The following PREX1 variants were observed in gnomAD, a reference collection of about 807,000 sequenced individuals.
PREX1 encodes the protein phosphatidylinositol 3,4,5-trisphosphate-dependent Rac exchanger 1 protein.
Under a neutral mutation model 198.3 loss-of-function variants are expected in PREX1, and 41 were observed. That is an observed-to-expected ratio of 0.21 (90% CI 0.16 to 0.27). The LOEUF (loss-of-function observed/expected upper bound fraction) is 0.27. PREX1 is among the 10% of genes least tolerant of loss of function. PREX1 has a pLI of 1.00. For missense variants in PREX1, 1,620 were observed against 2,200.7 expected (o/e 0.74, Z 5.28); for synonymous variants, 843 against 887.2 (o/e 0.95, Z 0.89).
rs758333598 is a variant in PREX1 at position 48,792,815 on chromosome 20, A to AT, written c.219+34826_219+34827insA. Reference sequence around the variant, plus strand: ...AGAAGCCAGATACAAAAAAAAAAAAAATACACACACACACACACACACACA... The same window carrying AT: ...AGAAGCCAGATACAAAAAAAAAAAAATATACACACACACACACACACACACA... On this transcript the variant is annotated intron_variant, in intron 1 of 39. Coordinates refer to ENST00000371941, the MANE Select transcript of PREX1 (RefSeq NM_020820.4). Among the ~76,000 whole-genome samples the AT allele has an allele frequency of 5.9e-3, 447 of 75,832 alleles. 1 individual carries two copies. Among genetic ancestry groups the AT allele is most frequent in the South Asian group, 0.027 (66 of 2,478 alleles). The allele number at this position is 75,832 out of a possible 152,430, so 49.7% of individuals were successfully genotyped here. A position where few individuals can be genotyped will look rare whatever the true frequency, so the allele number is the denominator to read the frequency against.
chr20:48,814,659 A>G (rs2090452032), intron 1 of PREX1, among the ~76,000 whole-genome samples: 1 of 152,176 alleles, frequency 6.6e-6, no homozygotes, highest in Admixed American at 6.5e-5. Context: ...CTAAGCCATC[A>G]TAAGGAGCTG....
intron 5 of PREX1, among the ~76,000 whole-genome samples, chr20:48,718,507 A>T (rs1208809799): frequency 6.6e-6 from 1 of 152,218 alleles, no homozygotes; most frequent in African/African-American, 2.4e-5. Flanking sequence ...GATAAACAGA[A>T]ATCAAAAAGA....
intron 9 of PREX1, among the ~76,000 whole-genome samples, chr20:48,690,280 T>G (rs1004212890): frequency 1.3e-5 from 2 of 152,164 alleles, no homozygotes; most frequent in Non-Finnish European, 2.9e-5. Flanking sequence ...TGTCAGATTT[T>G]GAAATGTGCT....
chr20:48,762,701 CT>C lies in PREX1; in HGVS notation c.220-14822del, dbSNP rs397816054. On this transcript the variant is annotated intron_variant, in intron 1 of 39. Coordinates refer to ENST00000371941, the MANE Select transcript of PREX1 (RefSeq NM_020820.4). ...CCTGACTGCTAATGGTATGAAGTTTCTTTTTTTTTTTTTTTTTTTGAGACAA... is the reference window on the plus strand; with the variant it reads ...CCTGACTGCTAATGGTATGAAGTTTCTTTTTTTTTTTTTTTTTTGAGACAA... Among the ~76,000 whole-genome samples the C allele has an allele frequency of 8.0e-3, 1,022 of 128,082 alleles. 12 individuals are homozygous for C. The highest frequency in any genetic ancestry group is 0.026 in the African/African-American group (888 of 34,772). 84.0% of individuals were successfully genotyped at this position (128,082 alleles called of 152,430 possible).
chr20:48,646,675 CAAAA>C (rs552888256), intron 25 of PREX1, among the ~76,000 whole-genome samples: 5 of 82,518 alleles, frequency 6.1e-5, no homozygotes, highest in Admixed American at 2.5e-4. Context: ...GAACCCATCT[CAAAA>C]AAAAAAAAAA....
chr20:48,639,697 TTC>T, intron 30 of PREX1, 67 bp downstream of exon 30: 1 of 1,575,944 alleles, frequency 6.3e-7, no homozygotes, highest in South Asian at 1.2e-5. Context: ...CCATTCCTGA[TTC>T]TCTCAGGTTC....
At chr20:48,845,025 TA>T in the PREX1 span, among the ~76,000 whole-genome samples, 1 of 152,234 alleles carries the variant, frequency 6.6e-6, no homozygotes, top group Non-Finnish European at 1.5e-5. Flanking sequence ...AAAAGACTTT[TA>T]TTCACTAGAT....
At chr20:48,654,082 C>T (rs531339163) in intron 19 of PREX1, among the ~76,000 whole-genome samples, 51 of 152,320 alleles carry the variant, frequency 3.3e-4, no homozygotes, top group African/African-American at 1.2e-3. Context: ...CAAGTACAGC[C>T]CCTGGGGACT....
upstream of PREX1, among the ~76,000 whole-genome samples, chr20:48,831,036 G>A (rs8119866): frequency 1.3e-5 from 2 of 152,192 alleles, no homozygotes. Context: ...AGGACTTCAT[G>A]ATGTCATCAA....
chr20:48,747,968 C>A, intron 1 of PREX1, 88 bp from the exon 2 acceptor site: 1 of 1,219,740 alleles, frequency 8.2e-7, no homozygotes, highest in Non-Finnish European at 1.2e-6. Context: ...GTTCAAATGC[C>A]AACTAGGATC....
chr20:48,754,964 C>T (rs985288745), intron 1 of PREX1, among the ~76,000 whole-genome samples: 2 of 152,178 alleles, frequency 1.3e-5, no homozygotes, highest in African/African-American at 2.4e-5. Context: ...TGCCCAAATC[C>T]TATGCTCCAT....
At chr20:48,723,608 A>G (rs2089996185) in intron 5 of PREX1, among the ~76,000 whole-genome samples, 1 of 152,142 alleles carries the variant, frequency 6.6e-6, no homozygotes, top group Non-Finnish European at 1.5e-5. Flanking sequence ...GCGTGCCCCG[A>G]CGGAGCGCAA....
rs1315417908 is a variant in PREX1, at chr20:48,691,316, G to C, written c.1037-220C>G. Among the ~76,000 whole-genome samples, 1 of 152,194 alleles carries C rather than the reference G, an allele frequency of 6.6e-6. No homozygotes were observed. Among genetic ancestry groups the C allele is most frequent in the Non-Finnish European group, 1.5e-5 (1 of 68,030 alleles). On this transcript the variant is annotated intron_variant, in intron 8 of 39. Coordinates refer to ENST00000371941, the MANE Select transcript of PREX1 (RefSeq NM_020820.4). This position sits in a 1 kb window ranked among gnomAD's most constrained non-coding sequence, Gnocchi z 5.0. The stretch of plus-strand genomic sequence containing the variant: ...GACCCCTCTCAACCACTCAATGACA[G>C]GGGGCTTCATTTTAAGACCTTGCAT...
At chr20:48,809,169 G>C (rs936016422) in intron 1 of PREX1, among the ~76,000 whole-genome samples, 1 of 152,190 alleles carries the variant, frequency 6.6e-6, no homozygotes, top group African/African-American at 2.4e-5. Flanking sequence ...GGGAGAGCTG[G>C]AATAGTCAAG....
intron 15 of PREX1, among the ~76,000 whole-genome samples, chr20:48,663,354 G>C (rs187676879): frequency 6.6e-6 from 1 of 152,194 alleles, no homozygotes; most frequent in Non-Finnish European, 1.5e-5. Context: ...CCAGCAGGCC[G>C]ACCAGGGCTC....
At chr20:48,628,281 G>C (rs1041257514) in intron 37 of PREX1, among the ~76,000 whole-genome samples, 2 of 152,224 alleles carry the variant, frequency 1.3e-5, no homozygotes, top group Non-Finnish European at 2.9e-5. Context: ...CTGAGTGAGT[G>C]GGGGACTCCC....
At chr20:48,819,951 A>C (rs1415551243) in intron 1 of PREX1, among the ~76,000 whole-genome samples, 1 of 152,192 alleles carries the variant, frequency 6.6e-6, no homozygotes, top group Non-Finnish European at 1.5e-5. Context: ...CCCTCCCAGC[A>C]AGGGGGGAAG....
chr20:48,826,452 A>G (rs2090509231), intron 1 of PREX1, among the ~76,000 whole-genome samples: 1 of 152,170 alleles, frequency 6.6e-6, no homozygotes, highest in Admixed American at 6.5e-5. Context: ...ATAGGGGTTT[A>G]GAACACCAGC....
At chr20:48,796,121 T>C (rs976470516) in intron 1 of PREX1, among the ~76,000 whole-genome samples, 4 of 152,198 alleles carry the variant, frequency 2.6e-5, no homozygotes, top group African/African-American at 2.4e-5. Context: ...TTTGTATTTG[T>C]CATGTTATGA....
Sources: gnomAD v4.1 joint callset for allele counts (sites outside exome capture counted in the v4.1 genomes callset) on GRCh38, gnomAD v4.1.1 for gene constraint, Gnocchi (gnomAD v3.1) non-coding constraint, MANE v1.5 for transcripts, NCBI Gene and HGNC (gene_info 2026-07-23, HGNC 2026-07-21) for gene names.